ACSF3: variants seen among roughly 807,000 people sequenced by gnomAD.
ACSF3 encodes the protein acyl-CoA synthetase family member 3.
Under a neutral mutation model 53.2 loss-of-function variants are expected in ACSF3, and 78 were observed. That is an observed-to-expected ratio of 1.47 (90% CI 1.22 to 1.77). ACSF3 has a LOEUF of 1.77. Among genes scored for constraint, ACSF3 ranks in the 40% most tolerant of loss-of-function variants. The pLI is 0.00. For missense variants in ACSF3, 937 were observed against 771.1 expected (o/e 1.22, Z -2.55); for synonymous variants, 414 against 333.1 (o/e 1.24, Z -2.65).
rs568723315 is a variant in ACSF3 at position 89,113,865 on chromosome 16, C to T, written c.978-474C>T. 4.6e-5 allele frequency: 13 copies of T among 281,996 alleles called. No homozygotes were observed. In the East Asian group the frequency reaches 1.3e-3, roughly 27 times the overall value. 17.5% of individuals were successfully genotyped at this position (281,996 alleles called of 1,614,324 possible). ...CCACCCCTTGGGTGCCGCGGCCATT[C>T]ACCCATGTCCGCGTTCTGCTGCAGA... On this transcript the variant is annotated intron_variant, in intron 5 of 10. Coordinates refer to ENST00000614302, the MANE Select transcript of ACSF3 (RefSeq NM_001243279.3).
intron 2 of ACSF3, among the ~76,000 whole-genome samples, chr16:89,100,303 G>A (rs1026926540): frequency 2.0e-5 from 3 of 152,260 alleles, no homozygotes; most frequent in Non-Finnish European, 4.4e-5. Context: ...CCCCTCTCAC[G>A]GGTGGTTTTC....
At chr16:89,128,153 A>T (rs1908526899) in intron 7 of ACSF3, among the ~76,000 whole-genome samples, 1 of 151,568 alleles carries the variant, frequency 6.6e-6, no homozygotes, top group Non-Finnish European at 1.5e-5. Context: ...TATTGATTTG[A>T]GACCTTTCCT....
chr16:89,145,786 A>T, intron 9 of ACSF3, 152 bp from the exon 10 acceptor site: 1 of 774,974 alleles, frequency 1.3e-6, no homozygotes, highest in Non-Finnish European at 2.3e-6. Flanking sequence ...AGGCCCAGCC[A>T]GCACCAGGAC....
chr16:89,114,365 T>A lies in ACSF3; in HGVS notation c.1004T>A (p.Leu335Gln), dbSNP rs1358680743. ...CTGATGGTCTCAGGCTCAGCTGCCCTGCCCCTCCCAGTGCTGGAGAAGTGG... is the reference window on the plus strand; with the variant it reads ...CTGATGGTCTCAGGCTCAGCTGCCCAGCCCCTCCCAGTGCTGGAGAAGTGG... ...IRLMVSGSAA[L>Q]PLPVLEKWKN... is the part of the protein sequence containing the mutation. Residue 335 changes from leucine (L) to glutamine (Q), a missense_variant, in exon 6 of 11, where the codon CTG becomes CAG. Leu to Gln is a moderately radical substitution (Grantham distance 113, BLOSUM62 -2). Transcript: ENST00000614302. 3 of 1,613,964 alleles carry A rather than the reference T, an allele frequency of 1.9e-6. No individual in the cohort carries two copies. Among genetic ancestry groups the A allele is most frequent in the Non-Finnish European group, 2.5e-6 (3 of 1,180,040 alleles).
At position 89,101,298 on chromosome 16, in the gene ACSF3, CG is replaced by C. The variant is rs1567685693; in HGVS notation, c.621del (p.Arg208GlyfsTer6). 6.2e-7 allele frequency: 1 copy of C among 1,602,478 alleles called. No individual in the cohort carries two copies. The highest frequency in any genetic ancestry group is 8.5e-7 in the Non-Finnish European group (1 of 1,175,096). ...GAMIIYTSGT[T>X]GRPKGVLSTH... Reference sequence around the variant, plus strand: ...ATGATCATCTACACCAGTGGGACCACGGGGAGGCCCAAGGGCGTGCTGAGCA... The same window carrying C: ...ATGATCATCTACACCAGTGGGACCACGGGAGGCCCAAGGGCGTGCTGAGCA... On this transcript the variant is annotated frameshift_variant, in exon 3 of 11. Coordinates refer to ENST00000614302, the MANE Select transcript of ACSF3 (RefSeq NM_001243279.3). LOFTEE classifies it high-confidence loss of function.
chr16:89,139,637 G>C (rs370503199), intron 8 of ACSF3, among the ~76,000 whole-genome samples: 173 of 134,838 alleles, frequency 1.3e-3, no homozygotes, highest in African/African-American at 4.5e-3. Flanking sequence ...TCTGTCGCCA[G>C]ACTGGAGTGC....
intron 8 of ACSF3, among the ~76,000 whole-genome samples, chr16:89,144,977 C>G (rs1332557731): frequency 6.6e-6 from 1 of 152,212 alleles, no homozygotes; most frequent in Non-Finnish European, 1.5e-5. Flanking sequence ...CTGACCTGCC[C>G]CTGGAGGAAG....
At position 89,100,939 on chromosome 16, in the gene ACSF3, CG is replaced by C. The variant is rs775569136; in HGVS notation, c.261del (p.Cys88ValfsTer30). The C allele has an allele frequency of 2.5e-6, 4 of 1,613,764 alleles. No homozygotes were observed. Among genetic ancestry groups the C allele is most frequent in the East Asian group, 2.2e-5 (1 of 44,880 alleles). ...RLSQEICRLC[G>X]CVGGDLREER... ...TGTCCCAGGAGATCTGCAGGCTCTG[CG>C]GGTGTGTCGGCGGGGACCTCCGGGA... On this transcript the variant is annotated frameshift_variant, in exon 3 of 11. Coordinates refer to ENST00000614302, the MANE Select transcript of ACSF3 (RefSeq NM_001243279.3). LOFTEE classifies it high-confidence loss of function.
At chr16:89,106,733 A>G (rs1976033591) in intron 4 of ACSF3, among the ~76,000 whole-genome samples, 1 of 152,084 alleles carries the variant, frequency 6.6e-6, no homozygotes, top group South Asian at 2.1e-4. Flanking sequence ...GAACTTTGGG[A>G]TTTTGTCTAA....
Position 89,102,687 on chromosome 16 carries a change from G to C in ACSF3, c.750G>C (p.Val250=). 6.2e-7 allele frequency: 1 copy of C among 1,613,754 alleles called. No homozygotes were observed. Among genetic ancestry groups the C allele is most frequent in the Non-Finnish European group, 8.5e-7 (1 of 1,180,026 alleles). ...TCCCGCTGCACCACGTCCATGGTGT[G>C]GTCAACGCGCTGCTCTGTCCTCTCT... ...HVLPLHHVHG[V]VNALLCPLWV... Residue 250 remains valine (V), a synonymous_variant, in exon 4 of 11, where the codon GTG becomes GTC. Transcript: ENST00000614302.
chr16:89,133,329 C>T lies in ACSF3; in HGVS notation c.1366+67C>T, dbSNP rs564561069. 3.3e-5 allele frequency: 53 copies of T among 1,600,870 alleles called. No homozygotes were observed. The East Asian group carries it at 6.0e-4, about 18-fold the overall frequency. On this transcript the variant is annotated intron_variant, in intron 8 of 10. Coordinates refer to ENST00000614302, the MANE Select transcript of ACSF3 (RefSeq NM_001243279.3). ...ACAGGCAGGAACTCATTGCTGCCCA[C>T]GTTGAGTGACACCGAGGCTGGGAGT...
chr16:89,102,518 C>T, intron 3 of ACSF3, 86 bp from the exon 4 acceptor site: 2 of 1,516,586 alleles, frequency 1.3e-6, no homozygotes, highest in Non-Finnish European at 9.1e-7. Context: ...AGGCCCAGAG[C>T]TCCTTTCCGT....
chr16:89,128,408 G>A (rs1274981511), intron 7 of ACSF3, among the ~76,000 whole-genome samples: 1 of 151,724 alleles, frequency 6.6e-6, no homozygotes, highest in East Asian at 1.9e-4. Flanking sequence ...GTATAGGCAT[G>A]CGCCACCACG....
chr16:89,149,530 T>C (rs1913722288), intron 10 of ACSF3: 1 of 152,244 alleles, frequency 6.6e-6, no homozygotes, highest in South Asian at 2.1e-4. Context: ...AGCCCACCTG[T>C]GTTATAGCTT....
chr16:89,095,656 G>A (rs559960179), intron 1 of ACSF3, among the ~76,000 whole-genome samples: 1 of 152,342 alleles, frequency 6.6e-6, no homozygotes, highest in East Asian at 1.9e-4. Context: ...TTTTATTCAT[G>A]TTGAAAGCAG....
intron 8 of ACSF3, among the ~76,000 whole-genome samples, chr16:89,138,982 T>C (rs1911178341): frequency 6.6e-6 from 1 of 152,228 alleles, no homozygotes; most frequent in South Asian, 2.1e-4. Context: ...CTGCTGCTTC[T>C]GTGCGGTCCC....
intron 2 of ACSF3, 149 bp downstream of exon 2, chr16:89,098,912 T>C (rs1309926286): frequency 1.3e-5 from 5 of 394,232 alleles, no homozygotes; most frequent in Admixed American, 8.1e-5. Context: ...ATTGTCAAAA[T>C]AATACTTGTT....
At chr16:89,142,830 CG>C (rs1567742110) in intron 8 of ACSF3, among the ~76,000 whole-genome samples, 1 of 152,242 alleles carries the variant, frequency 6.6e-6, no homozygotes, top group Non-Finnish European at 1.5e-5. Context: ...CCTAAGGAGA[CG>C]GGGTCTCGCA....
intron 8 of ACSF3, among the ~76,000 whole-genome samples, chr16:89,136,283 A>G (rs965881677): frequency 2.0e-5 from 3 of 152,190 alleles, no homozygotes; most frequent in Non-Finnish European, 2.9e-5. Flanking sequence ...ACATGCATTA[A>G]TTATTGTACA....
Sources: allele counts gnomAD v4.1 joint callset (sites outside exome capture counted in the v4.1 genomes callset), GRCh38; gene constraint gnomAD v4.1.1; transcripts MANE v1.5; gene names NCBI Gene and HGNC (gene_info 2026-07-23, HGNC 2026-07-21).